VGLL4: variants seen among roughly 807,000 people sequenced by gnomAD.
VGLL4 encodes vestigial like family member 4.
VGLL4 carries 7 observed loss-of-function variants against 21.0 expected under a neutral mutation model. That is an observed-to-expected ratio of 0.33 (90% CI 0.19 to 0.63). The LOEUF (loss-of-function observed/expected upper bound fraction) is 0.63. VGLL4 is among the 20% of genes least tolerant of loss of function. VGLL4 has a pLI of 0.78. For missense variants in VGLL4, 394 were observed against 425.7 expected, an observed-to-expected ratio of 0.93 and a Z score of 0.66; for synonymous variants, 222 against 173.2, an observed-to-expected ratio of 1.28 and a Z score of -2.21.
chr3:11,570,483 G>T (rs2073732318), intron 2 of VGLL4, among the ~76,000 whole-genome samples: 1 of 152,160 alleles, frequency 6.6e-6, no homozygotes, highest in Admixed American at 6.5e-5. Flanking sequence ...TGCACTCCCG[G>T]GAAGGCTGAC....
chr3:11,556,679 A>ACATAT lies in VGLL4; in HGVS notation c.*1872_*1876dup, dbSNP rs1268382967. ...TAGGAAAGGGAAAAATTAAATAGCTACATATCATTAACAAATTAATGTTCT... is the reference window on the plus strand; with the variant it reads ...TAGGAAAGGGAAAAATTAAATAGCTACATATCATATCATTAACAAATTAATGTTCT... On this transcript the variant is annotated 3_prime_UTR_variant, in exon 5 of 5. Transcript: ENST00000430365. 6.5e-6 allele frequency: 1 copy of ACATAT among 152,762 alleles called. No homozygotes were observed. Among genetic ancestry groups the ACATAT allele is most frequent in the East Asian group, 1.9e-4 (1 of 5,302 alleles). The allele number at this position is 152,762 out of a possible 1,614,324, so 9.5% of individuals were successfully genotyped here. A position where few individuals can be genotyped will look rare whatever the true frequency, so the allele number is the denominator to read the frequency against.
chr3:11,630,489 A>G (rs969059312), intron 1 of VGLL4, among the ~76,000 whole-genome samples: 1 of 151,936 alleles, frequency 6.6e-6, no homozygotes, highest in Non-Finnish European at 1.5e-5. Context: ...TACTAAACAC[A>G]CAAAAAATTA....
rs2073659056 is a variant in VGLL4 at position 11,568,865 on chromosome 3, G to A, written c.273-3846C>T. 23 of 1,368,400 alleles carry A rather than the reference G, an allele frequency of 1.7e-5. No homozygotes were observed. Among genetic ancestry groups the A allele is most frequent in the Middle Eastern group, 2.8e-4 (1 of 3,624 alleles). The allele number at this position is 1,368,400 out of a possible 1,614,324, so 84.8% of individuals were successfully genotyped here. Reference sequence around the variant, plus strand: ...GCTCCGTGCCAGGCCTATCAGAGCCGCTGAGGCTGCACGGCACCCGGCCCC... The same window carrying A: ...GCTCCGTGCCAGGCCTATCAGAGCCACTGAGGCTGCACGGCACCCGGCCCC... On this transcript the variant is annotated intron_variant, in intron 2 of 4. Transcript: ENST00000430365. This position sits in a 1 kb window ranked among gnomAD's most constrained non-coding sequence, Gnocchi z 5.9.
rs1197181307 is a variant in VGLL4 at position 11,582,494 on chromosome 3, G to A, written c.273-17475C>T. Reference sequence around the variant, plus strand: ...GCAATAAAAGTTTCCTATGGGTCCTGGGGTAGGTCAGGAACTCCTGGGAGG... The same window carrying A: ...GCAATAAAAGTTTCCTATGGGTCCTAGGGTAGGTCAGGAACTCCTGGGAGG... On this transcript the variant is annotated intron_variant, in intron 2 of 4. Transcript: ENST00000430365. 7 of 874,014 alleles carry A rather than the reference G, an allele frequency of 8.0e-6. No homozygotes were observed. In the African/African-American group the frequency reaches 1.2e-4, roughly 15 times the overall value. 54.1% of individuals were successfully genotyped at this position (874,014 alleles called of 1,614,324 possible).
intron 2 of VGLL4, among the ~76,000 whole-genome samples, chr3:11,677,122 A>G (rs2076302327): frequency 6.6e-6 from 1 of 152,206 alleles, no homozygotes; most frequent in Non-Finnish European, 1.5e-5. Flanking sequence ...ACACTACAAT[A>G]AATATCACTG....
intron 2 of VGLL4, among the ~76,000 whole-genome samples, chr3:11,582,726 C>T (rs192641350): frequency 6.6e-6 from 1 of 152,304 alleles, no homozygotes; most frequent in East Asian, 1.9e-4. Context: ...AGTGGAGACG[C>T]TCCGAAGGCA....
intron 3 of VGLL4, among the ~76,000 whole-genome samples, chr3:11,560,872 C>T (rs1199587889): frequency 6.6e-6 from 1 of 152,190 alleles, no homozygotes; most frequent in African/African-American, 2.4e-5. Flanking sequence ...TGCCTGTGGA[C>T]AGGGCCTCGG....
chr3:11,603,214 C>A (rs1330451731), intron 1 of VGLL4, among the ~76,000 whole-genome samples: 2 of 152,064 alleles, frequency 1.3e-5, no homozygotes, highest in Non-Finnish European at 2.9e-5. Context: ...TGAATATTTA[C>A]CAGGAAAAAT....
At chr3:11,574,841 T>TGTGTGTGTG (rs2073988625) in intron 2 of VGLL4, among the ~76,000 whole-genome samples, 1 of 92,652 alleles carries the variant, frequency 1.1e-5, no homozygotes, top group East Asian at 6.0e-4. Flanking sequence ...GTGTGTGTAT[T>TGTGTGTGTG]TTAAAAGCTG....
intron 1 of VGLL4, among the ~76,000 whole-genome samples, chr3:11,709,071 A>G (rs751079988): frequency 4.6e-5 from 7 of 151,728 alleles, no homozygotes; most frequent in African/African-American, 7.3e-5. Context: ...AAAAATAATA[A>G]TAATAATAAT....
chr3:11,561,919 A>G (rs2073051947), intron 3 of VGLL4, among the ~76,000 whole-genome samples: 1 of 135,262 alleles, frequency 7.4e-6, no homozygotes, highest in Admixed American at 7.3e-5. Flanking sequence ...TTTTTTTTAA[A>G]GACAAAGTCT....
intron 1 of VGLL4, among the ~76,000 whole-genome samples, chr3:11,636,137 T>C (rs1200341560): frequency 6.6e-6 from 1 of 152,228 alleles, no homozygotes; most frequent in Non-Finnish European, 1.5e-5. Context: ...TAATGGAAGA[T>C]GCATTTATTT....
intron 2 of VGLL4, among the ~76,000 whole-genome samples, chr3:11,689,414 C>A (rs369575849): frequency 6.6e-6 from 1 of 152,176 alleles, no homozygotes; most frequent in African/African-American, 2.4e-5. Flanking sequence ...ATTCTATTTG[C>A]TTCTCAAGCC....
In VGLL4 at chr3:11,564,925, C is replaced by A; in HGVS notation, c.367G>T (p.Gly123Cys). Residue 123 changes from glycine to cysteine, a missense_variant, in exon 3 of 5, where the codon GGC becomes TGC. Coordinates refer to ENST00000430365, the MANE Select transcript of VGLL4 (RefSeq NM_001128219.3). ...RAVAPTMSLH[G>C]SHLYTSLPSL... ...GGGAGGGAGGTGTACAGGTGGCTGC[C>A]GTGCAGGCTCATGGTGGGGGCCACA... 1 of 1,591,830 alleles carries A rather than the reference C, an allele frequency of 6.3e-7. No homozygotes were observed.
At chr3:11,647,665 A>AC (rs1298087396), upstream of VGLL4, among the ~76,000 whole-genome samples, 3 of 150,992 alleles carry the variant, frequency 2.0e-5, no homozygotes, top group Admixed American at 2.0e-4. Flanking sequence ...AGGACGCTCA[A>AC]CCCATACCTT....
chr3:11,633,456 TCAAGAGATCAAGACCATCCTGGC>T (rs1044489153), intron 1 of VGLL4: 6 of 151,854 alleles, frequency 4.0e-5, no homozygotes, highest in African/African-American at 1.5e-4. Flanking sequence ...GATCACGAGG[TCAAGAGATCAAGACCATCCTGGC>T]CAACACTGTG....
rs1021951378 is a variant in VGLL4, at chr3:11,589,422, C to T, written c.272+12411G>A. On this transcript the variant is annotated intron_variant, in intron 2 of 4. Transcript: ENST00000430365. ...GATGGCACCCAGCAGCCCCAAGTCA[C>T]GGAATTAAACACCATTTCATGTTCA... Among the ~76,000 whole-genome samples, 12 of 152,226 alleles carry T rather than the reference C, an allele frequency of 7.9e-5. No individual in the cohort carries two copies. The South Asian group carries it at 1.4e-3, about 18-fold the overall frequency.
intron 3 of VGLL4, among the ~76,000 whole-genome samples, chr3:11,562,608 G>A (rs1205685803): frequency 6.6e-6 from 1 of 152,218 alleles, no homozygotes; most frequent in Non-Finnish European, 1.5e-5. Flanking sequence ...CCTCAGCAGG[G>A]CGCCCGAGCC....
intron 2 of VGLL4, among the ~76,000 whole-genome samples, chr3:11,650,288 A>G (rs73814970): frequency 0.02 from 3,017 of 152,290 alleles, 119 homozygotes; most frequent in African/African-American, 0.069. Flanking sequence ...TCTTTGTGGA[A>G]TAATGGCAAT....
Sources: gnomAD v4.1 joint callset for allele counts (sites outside exome capture counted in the v4.1 genomes callset) on GRCh38, gnomAD v4.1.1 for gene constraint, Gnocchi (gnomAD v3.1) non-coding constraint, MANE v1.5 for transcripts, NCBI Gene and HGNC (gene_info 2026-07-23, HGNC 2026-07-21) for gene names.